ADAMTS20: variants seen among roughly 807,000 people sequenced by gnomAD.
ADAMTS20 encodes ADAM metallopeptidase with thrombospondin type 1 motif 20, also known as A disintegrin and metalloproteinase with thrombospondin motifs 20.
A neutral mutation model predicts 260.1 loss-of-function variants in ADAMTS20; 225 were observed. The observed-to-expected ratio is 0.87, with a 90% CI of 0.78 to 0.97. The LOEUF is 0.97. ADAMTS20 is among the 50% of genes least tolerant of loss of function. ADAMTS20 has a pLI of 0.00. For missense variants in ADAMTS20, 2,400 were observed against 2,337.7 expected, an observed-to-expected ratio of 1.03 and a Z score of -0.55; for synonymous variants, 802 against 769.5, an observed-to-expected ratio of 1.04 and a Z score of -0.70.
Position 43,434,257 on chromosome 12 carries a change from T to C in ADAMTS20, c.2708A>G (p.Asp903Gly), listed in dbSNP as rs1289249548. ...ATTTCTCTTTTACCTTAGTTCACAGTCTGTATTGCAACTTTGAGTAACAAA... is the reference window on the plus strand; with the variant it reads ...ATTTCTCTTTTACCTTAGTTCACAGCCTGTATTGCAACTTTGAGTAACAAA... Reference protein sequence around the residue: ...PSFVTQSCNTDCELRWHVIGK... With the variant: ...PSFVTQSCNTGCELRWHVIGK... Residue 903 changes from aspartate (D) to glycine (G), a missense_variant, in exon 19 of 39, where the codon GAC becomes GGC. Transcript: ENST00000389420. 2 of 1,581,856 alleles carry C rather than the reference T, an allele frequency of 1.3e-6. No individual in the cohort carries two copies.
At chr12:43,370,068 T>C (rs1940074143) in intron 36 of ADAMTS20, among the ~76,000 whole-genome samples, 2 of 152,160 alleles carry the variant, frequency 1.3e-5, no homozygotes, top group South Asian at 2.1e-4. Flanking sequence ...CCAAATCATC[T>C]AGCCAGTGGC....
intron 3 of ADAMTS20, among the ~76,000 whole-genome samples, chr12:43,507,839 A>G (rs983937315): frequency 2.6e-5 from 4 of 152,210 alleles, no homozygotes; most frequent in Admixed American, 2.0e-4. Flanking sequence ...CTTTTGGAGG[A>G]CATGGATGAA....
chr12:43,446,709 C>T lies in ADAMTS20; in HGVS notation c.2083G>A (p.Ala695Thr), dbSNP rs367883015. 6 of 1,612,336 alleles carry T rather than the reference C, an allele frequency of 3.7e-6. No individual in the cohort carries two copies. Among genetic ancestry groups the T allele is most frequent in the Non-Finnish European group, 5.1e-6 (6 of 1,178,770 alleles). Residue 695 changes from alanine to threonine, a missense_variant, in exon 15 of 39, where the codon GCT becomes ACT. Transcript: ENST00000389420. ...GAGTTTAACACGTGATCACAACCAG[C>T]TGCCTTCAAGACACAATTACAATCA... ...DICVQGQCMA[A>T]GCDHVLNSSA...
At position 43,376,251 on chromosome 12, in the gene ADAMTS20, C is replaced by G. The variant is rs1396378459; in HGVS notation, c.5205G>C (p.Lys1735Asn). Residue 1735 changes from lysine (K) to asparagine (N), a missense_variant, in exon 34 of 39, where the codon AAG (lysine) becomes AAC (asparagine). Lys to Asn is a moderately conservative substitution (Grantham distance 94, BLOSUM62 0). Transcript: ENST00000389420. The part of the protein sequence containing the change: ...RKDGDYYLNI[K>N]GRIIKIYCAD... ...TTCATAATACCTTTATTATTCTTCC[C>G]TTAATGTTAAGGTAATAGTCACCAT... is the stretch of plus-strand genomic sequence containing the variant. 1.3e-6 allele frequency: 2 copies of G among 1,549,950 alleles called. No individual in the cohort carries two copies. The highest frequency in any genetic ancestry group is 2.7e-5 in the African/African-American group (2 of 73,298).
Position 43,434,225 on chromosome 12 carries a change from A to C in ADAMTS20, c.2720+20T>G, listed in dbSNP as rs764522799. ...GCTCACTTATTAATCTGGTTATATTACATATTATTTCTCTTTTACCTTAGT... is the reference window on the plus strand; with the variant it reads ...GCTCACTTATTAATCTGGTTATATTCCATATTATTTCTCTTTTACCTTAGT... On this transcript the variant is annotated intron_variant, in intron 19 of 38. Coordinates refer to ENST00000389420, the MANE Select transcript of ADAMTS20 (RefSeq NM_025003.5). 6.4e-6 allele frequency: 10 copies of C among 1,554,920 alleles called. No individual in the cohort carries two copies. Among genetic ancestry groups the C allele is most frequent in the Non-Finnish European group, 8.7e-6 (10 of 1,146,940 alleles).
At chr12:43,525,486 C>G (rs1418153090) in intron 3 of ADAMTS20, among the ~76,000 whole-genome samples, 3 of 152,074 alleles carry the variant, frequency 2.0e-5, no homozygotes, top group Non-Finnish European at 2.9e-5. Flanking sequence ...ATCTAGGTAA[C>G]AATTAACATG....
intron 7 of ADAMTS20, among the ~76,000 whole-genome samples, chr12:43,487,704 T>C (rs956653856): frequency 1.3e-5 from 2 of 152,202 alleles, no homozygotes; most frequent in African/African-American, 4.8e-5. Context: ...ATAAATGTTT[T>C]GAGAACTTGA....
chr12:43,445,354 T>C, intron 15 of ADAMTS20, among the ~76,000 whole-genome samples: 1 of 152,178 alleles, frequency 6.6e-6, no homozygotes, highest in East Asian at 1.9e-4. Flanking sequence ...CAAATGTGTG[T>C]AGCTCCCAAG....
chr12:43,505,473 A>G (rs1347760711), intron 3 of ADAMTS20, among the ~76,000 whole-genome samples: 2 of 152,196 alleles, frequency 1.3e-5, no homozygotes, highest in African/African-American at 2.4e-5. Flanking sequence ...AAATGAGTAA[A>G]GACTTGCATA....
intron 3 of ADAMTS20, among the ~76,000 whole-genome samples, chr12:43,506,729 C>T (rs11182119): frequency 0.071 from 10,713 of 151,330 alleles, 601 homozygotes; most frequent in Non-Finnish European, 0.095. Flanking sequence ...CTGCCCGCCT[C>T]AGCCTCCCAA....
intron 28 of ADAMTS20, among the ~76,000 whole-genome samples, chr12:43,412,718 A>G (rs1308451859): frequency 1.3e-5 from 2 of 151,724 alleles, no homozygotes; most frequent in East Asian, 3.9e-4. Context: ...CTATTTCTAG[A>G]TGTGAAAATT....
chr12:43,425,978 T>A (rs1941326256), intron 27 of ADAMTS20, among the ~76,000 whole-genome samples: 1 of 152,134 alleles, frequency 6.6e-6, no homozygotes, highest in Non-Finnish European at 1.5e-5. Context: ...CAGTAAGATA[T>A]CCAGGACCTA....
chr12:43,453,938 C>A lies in ADAMTS20; in HGVS notation c.1729G>T (p.Glu577Ter). 1 of 1,609,998 alleles carries A rather than the reference C, an allele frequency of 6.2e-7. No individual in the cohort carries two copies. The highest frequency in any genetic ancestry group is 8.5e-7 in the Non-Finnish European group (1 of 1,177,858). Reference sequence around the variant, plus strand: ...CGATTACAGCGCCTGGTTGCACTTTCGATTCCGCCTCCACATGTTCTTGAA... The same window carrying A: ...CGATTACAGCGCCTGGTTGCACTTTAGATTCCGCCTCCACATGTTCTTGAA... ...SCSRTCGGGI[E>*]SATRRCNRPE... Residue 577 changes from glutamate (E) to a stop codon, truncating the protein, a stop_gained, in exon 12 of 39, where the codon GAA becomes TAA. Coordinates refer to ENST00000389420, the MANE Select transcript of ADAMTS20 (RefSeq NM_025003.5). LOFTEE classifies it high-confidence loss of function.
At chr12:43,454,549 C>A (rs1941930198) in intron 11 of ADAMTS20, among the ~76,000 whole-genome samples, 1 of 152,196 alleles carries the variant, frequency 6.6e-6, no homozygotes, top group Non-Finnish European at 1.5e-5. Context: ...CCTGTTCTAC[C>A]CATTCAACAG....
intron 18 of ADAMTS20, 136 bp downstream of exon 18, chr12:43,439,486 T>G (rs900876495): frequency 6.8e-6 from 7 of 1,025,342 alleles, no homozygotes; most frequent in Non-Finnish European, 8.2e-6. Context: ...AAAAAAAGAT[T>G]GAAAACTTTT....
At chr12:43,403,949 C>G (rs548280709) in intron 28 of ADAMTS20, among the ~76,000 whole-genome samples, 1 of 152,066 alleles carries the variant, frequency 6.6e-6, no homozygotes, top group African/African-American at 2.4e-5. Context: ...ACACGTTCAC[C>G]CATTTCATCC....
chr12:43,533,659 G>A lies in ADAMTS20; in HGVS notation c.454-1464C>T, dbSNP rs367702621. Among the ~76,000 whole-genome samples, 6 of 11,812 alleles carry A rather than the reference G, an allele frequency of 5.1e-4. No homozygotes were observed. The East Asian group carries it at 0.011, about 21-fold the overall frequency. 7.7% of individuals were successfully genotyped at this position (11,812 alleles called of 152,430 possible). ...TTCATATGGAACCAAAAAAGAGCCCGCATCGCCAAGTCAATCCTAAGCCAA... is the reference window on the plus strand; with the variant it reads ...TTCATATGGAACCAAAAAAGAGCCCACATCGCCAAGTCAATCCTAAGCCAA... On this transcript the variant is annotated intron_variant, in intron 2 of 38. Coordinates refer to ENST00000389420, the MANE Select transcript of ADAMTS20 (RefSeq NM_025003.5).
At chr12:43,479,926 A>T (rs1174700110) in intron 7 of ADAMTS20, among the ~76,000 whole-genome samples, 1 of 152,196 alleles carries the variant, frequency 6.6e-6, no homozygotes, top group Non-Finnish European at 1.5e-5. Flanking sequence ...CTATTAAAAA[A>T]GAGAGGCACA....
chr12:43,372,262 C>A (rs747266622), intron 36 of ADAMTS20, among the ~76,000 whole-genome samples: 2 of 152,044 alleles, frequency 1.3e-5, no homozygotes, highest in African/African-American at 4.8e-5. Flanking sequence ...CTTGCCAAGT[C>A]GAGAAACAGT....
Sources: allele counts gnomAD v4.1 joint callset (sites outside exome capture counted in the v4.1 genomes callset), GRCh38; gene constraint gnomAD v4.1.1; transcripts MANE v1.5; gene names NCBI Gene and HGNC (gene_info 2026-07-23, HGNC 2026-07-21).